CHN2: variants seen among roughly 807,000 people sequenced by gnomAD.
The protein encoded by CHN2 is beta-chimaerin.
CHN2 carries 35 observed loss-of-function variants against 56.3 expected under a neutral mutation model. The observed-to-expected ratio is 0.62, with a 90% CI of 0.47 to 0.82. The LOEUF (loss-of-function observed/expected upper bound fraction) is 0.82, where lower values mean the gene tolerates loss of function less well. Ranked by LOEUF, CHN2 falls within the 40% of genes least tolerant of loss-of-function variation. The pLI is 0.00. For missense variants in CHN2, 491 were observed against 580.5 expected, an observed-to-expected ratio of 0.85 and a Z score of 1.58; for synonymous variants, 210 against 212.8, an observed-to-expected ratio of 0.99 and a Z score of 0.12.
intron 2 of CHN2, among the ~76,000 whole-genome samples, chr7:29,359,432 C>T (rs929248754): frequency 1.3e-5 from 2 of 152,080 alleles, no homozygotes; most frequent in East Asian, 1.9e-4. Context: ...TGCCTTAAGC[C>T]GGGCACTGTG....
Position 29,226,245 on chromosome 7 carries a change from C to T in CHN2, c.49+31255C>T, listed in dbSNP as rs181312508. On this transcript the variant is annotated intron_variant, in intron 1 of 12. Transcript: ENST00000222792. ...TCTTTCAGAAATCTATTATTATGAG[C>T]GGGGAAAAATGAACAAAAGTCCTTA... Among the ~76,000 whole-genome samples the T allele has an allele frequency of 1.6e-3, 237 of 152,042 alleles. 1 individual carries two copies. The highest frequency in any genetic ancestry group is 5.3e-3 in the African/African-American group (220 of 41,470).
Position 29,263,171 on chromosome 7 carries a change from G to C in CHN2, c.49+68181G>C, listed in dbSNP as rs550946288. ...AGCCTGCCGAGTGCCTGGGATTGCA[G>C]GCACGCGCCGCCACGCCTGACTGGT... On this transcript the variant is annotated intron_variant, in intron 1 of 12. Coordinates refer to ENST00000222792, the MANE Select transcript of CHN2 (RefSeq NM_004067.4). Among the ~76,000 whole-genome samples, 796 of 152,328 alleles carry C rather than the reference G, an allele frequency of 5.2e-3. 6 individuals carry two copies. Among genetic ancestry groups the C allele is most frequent in the African/African-American group, 0.017 (697 of 41,576 alleles).
intron 3 of CHN2, among the ~76,000 whole-genome samples, chr7:29,372,267 T>TG (rs1799676249): frequency 6.6e-6 from 1 of 152,032 alleles, no homozygotes; most frequent in African/African-American, 2.4e-5. Context: ...CCTTTGCACT[T>TG]GCCCTTTGCC....
chr7:29,338,628 G>C (rs1028442570), intron 1 of CHN2, among the ~76,000 whole-genome samples: 1 of 152,154 alleles, frequency 6.6e-6, no homozygotes, highest in Non-Finnish European at 1.5e-5. Context: ...ACCCAGGCTG[G>C]AGTGCAGTGA....
In CHN2 at chr7:29,345,534, G is replaced by A. The variant is rs541620046; in HGVS notation, c.50-9091G>A. Among the ~76,000 whole-genome samples the A allele has an allele frequency of 2.0e-5, 3 of 152,214 alleles. No individual in the cohort carries two copies. The South Asian group carries it at 6.2e-4, about 32-fold the overall frequency. ...GCATGACATCCCTAAGACTGGTATGGTCTTGGTGTGTTCGAGGAGCAAAAG... is the reference window on the plus strand; with the variant it reads ...GCATGACATCCCTAAGACTGGTATGATCTTGGTGTGTTCGAGGAGCAAAAG... On this transcript the variant is annotated intron_variant, in intron 1 of 12. Transcript: ENST00000222792.
At chr7:29,358,793 C>T (rs751503667) in intron 2 of CHN2, among the ~76,000 whole-genome samples, 11 of 152,140 alleles carry the variant, frequency 7.2e-5, no homozygotes, top group East Asian at 1.9e-4. Context: ...GCGGTTTCTA[C>T]GTTTTATTCT....
chr7:29,308,441 G>A (rs968197451), intron 1 of CHN2, among the ~76,000 whole-genome samples: 6 of 140,332 alleles, frequency 4.3e-5, no homozygotes, highest in South Asian at 2.3e-4. Context: ...TGTCCCTCAC[G>A]TCACAGTGCA....
chr7:29,344,440 C>G (rs1041768725), intron 1 of CHN2, among the ~76,000 whole-genome samples: 1 of 152,174 alleles, frequency 6.6e-6, no homozygotes, highest in East Asian at 1.9e-4. Flanking sequence ...TAATCCCTCA[C>G]CCCTCCAAAA....
intron 1 of CHN2, among the ~76,000 whole-genome samples, chr7:29,244,573 C>T (rs924519704): frequency 6.6e-6 from 1 of 152,142 alleles, no homozygotes; most frequent in Non-Finnish European, 1.5e-5. Flanking sequence ...GAAGGAGCCC[C>T]GATCGATTAG....
At chr7:29,249,028 G>A (rs573547784) in intron 1 of CHN2, among the ~76,000 whole-genome samples, 7 of 152,158 alleles carry the variant, frequency 4.6e-5, no homozygotes, top group African/African-American at 1.7e-4. Flanking sequence ...TTTGGTCAGG[G>A]TTCTCTAAAG....
At chr7:29,391,923 G>A (rs1801400263) in intron 3 of CHN2, among the ~76,000 whole-genome samples, 1 of 152,208 alleles carries the variant, frequency 6.6e-6, no homozygotes, top group Non-Finnish European at 1.5e-5. Context: ...TTACCTGCAT[G>A]CCAAGAGTTA....
chr7:29,475,249 AAAG>A (rs1786496919), intron 6 of CHN2, among the ~76,000 whole-genome samples: 1 of 152,210 alleles, frequency 6.6e-6, no homozygotes, highest in Non-Finnish European at 1.5e-5. Flanking sequence ...AGAAGAAAAA[AAAG>A]AAGTGGTGAG....
At chr7:29,417,283 G>A (rs1803857348) in intron 6 of CHN2, among the ~76,000 whole-genome samples, 1 of 151,632 alleles carries the variant, frequency 6.6e-6, no homozygotes, top group Non-Finnish European at 1.5e-5. Flanking sequence ...AGGAAGGAAG[G>A]AATTTTCCCA....
chr7:29,275,995 C>T (rs912762716), intron 1 of CHN2, among the ~76,000 whole-genome samples: 8 of 152,052 alleles, frequency 5.3e-5, no homozygotes, highest in Non-Finnish European at 8.8e-5. Context: ...GAAGCCCAAA[C>T]CCCGCATTAC....
At chr7:29,170,762 TTA>T (rs1796494369) in intron 2 of CHN2, among the ~76,000 whole-genome samples, 1 of 152,210 alleles carries the variant, frequency 6.6e-6, no homozygotes, top group African/African-American at 2.4e-5. Context: ...TTAATTGGAC[TTA>T]TAGTTCCATA....
chr7:29,363,487 ACAC>A (rs968469952), intron 2 of CHN2, among the ~76,000 whole-genome samples: 2 of 152,000 alleles, frequency 1.3e-5, no homozygotes, highest in Non-Finnish European at 2.9e-5. Flanking sequence ...TCCATCTCAA[ACAC>A]CACCACCACC....
intron 1 of CHN2, among the ~76,000 whole-genome samples, chr7:29,235,603 A>C (rs954984457): frequency 2.0e-5 from 3 of 152,240 alleles, no homozygotes; most frequent in African/African-American, 7.2e-5. Flanking sequence ...TCATCACAGC[A>C]CTATTCACAA....
chr7:29,346,005 G>A (rs1430667188), intron 1 of CHN2, among the ~76,000 whole-genome samples: 1 of 152,106 alleles, frequency 6.6e-6, no homozygotes, highest in South Asian at 2.1e-4. Flanking sequence ...CTGACAGCAG[G>A]CCTTCATCCC....
rs527891574 is a variant in CHN2 at position 29,500,320 on chromosome 7, C to T, written c.913+280C>T. The stretch of plus-strand genomic sequence containing the variant: ...TTGAGGTAATAAAGGTCACCATTCT[C>T]ACCTTCAAGAAATTCATACTTCAGC... On this transcript the variant is annotated intron_variant, in intron 9 of 12. Transcript: ENST00000222792. Among the ~76,000 whole-genome samples the T allele has an allele frequency of 2.3e-3, 357 of 152,300 alleles. 5 individuals are homozygous for T. The highest frequency in any genetic ancestry group is 8.4e-3 in the African/African-American group (348 of 41,550).
Sources: gnomAD v4.1 joint callset for allele counts (sites outside exome capture counted in the v4.1 genomes callset) on GRCh38, gnomAD v4.1.1 for gene constraint, MANE v1.5 for transcripts, NCBI Gene and HGNC (gene_info 2026-07-23, HGNC 2026-07-21) for gene names.